Variants in RTF2 observed in about 807,000 individuals in gnomAD.
The protein encoded by RTF2 is replication termination factor 2, also known as UPF0549 protein C20orf43.
A neutral mutation model predicts 38.0 loss-of-function variants in RTF2; 18 were observed. The ratio of observed to expected loss-of-function variants is 0.47; its 90% CI spans 0.33 to 0.70. RTF2 has a LOEUF of 0.70. Ranked by LOEUF, RTF2 falls within the 30% of genes least tolerant of loss-of-function variation. RTF2 has a pLI of 0.02. For missense variants in RTF2, 311 were observed against 379.6 expected (o/e 0.82, Z 1.50); for synonymous variants, 126 against 137.1 (o/e 0.92, Z 0.57).
rs1982553139 is a variant in RTF2 at position 56,482,054 on chromosome 20, T to C, written c.399-2057T>C. On this transcript the variant is annotated intron_variant, in intron 4 of 8. Coordinates refer to ENST00000357348, the MANE Select transcript of RTF2 (RefSeq NM_016407.5). ...TGTTGTTTCTCCTTTGGTTTGCTGG[T>C]CAGTCTCTTCTCCTTTTTCTCTTAC... 2.6e-5 allele frequency among the ~76,000 whole-genome samples: 4 copies of C among 152,242 alleles called. No homozygotes were observed. The South Asian group carries it at 8.3e-4, about 32-fold the overall frequency.
chr20:56,514,911 G>T (rs1353879740), intron 6 of RTF2, among the ~76,000 whole-genome samples: 1 of 152,098 alleles, frequency 6.6e-6, no homozygotes, highest in Non-Finnish European at 1.5e-5. Flanking sequence ...GGCGGGCGTG[G>T]TGGCGTGTGC....
At chr20:56,509,995 A>G (rs1345491491) in intron 5 of RTF2, among the ~76,000 whole-genome samples, 1 of 152,184 alleles carries the variant, frequency 6.6e-6, no homozygotes, top group Non-Finnish European at 1.5e-5. Flanking sequence ...TCACAAAAAA[A>G]AAAAACATGT....
chr20:56,514,979 G>A (rs867663408), intron 6 of RTF2, among the ~76,000 whole-genome samples: 3 of 151,684 alleles, frequency 2.0e-5, no homozygotes, highest in African/African-American at 7.3e-5. Flanking sequence ...CCCGGAAGGC[G>A]GAGGTTGCAG....
intron 8 of RTF2, 97 bp from the exon 9 acceptor site, chr20:56,517,990 C>T: frequency 1.6e-6 from 2 of 1,254,006 alleles, no homozygotes; most frequent in Non-Finnish European, 2.2e-6. Context: ...AAGAGAACGT[C>T]TGGGACAGAG....
intron 3 of RTF2, 113 bp from the exon 4 acceptor site, chr20:56,476,872 G>T: frequency 1.0e-6 from 1 of 952,782 alleles, no homozygotes; most frequent in South Asian, 1.5e-5. Flanking sequence ...GTAACTGTGA[G>T]GGAGAGGTTT....
chr20:56,516,679 A>G lies in RTF2; in HGVS notation c.592-256A>G. ...TAAATTTTTGCAAATGTGATTTGGG[A>G]GATGTAAATATAAAAGTGAGCAGCT... On this transcript the variant is annotated intron_variant, in intron 6 of 8. Coordinates refer to ENST00000357348, the MANE Select transcript of RTF2 (RefSeq NM_016407.5). The G allele has an allele frequency of 7.6e-6, 4 of 526,914 alleles. No homozygotes were observed. In the South Asian group the frequency reaches 1.1e-4, roughly 15 times the overall value. 32.6% of individuals were successfully genotyped at this position (526,914 alleles called of 1,614,324 possible).
intron 5 of RTF2, chr20:56,495,370 C>T: frequency 1.7e-6 from 2 of 1,170,244 alleles, no homozygotes; most frequent in Non-Finnish European, 2.5e-6. Context: ...TTCTTCTGTG[C>T]TATCATTTCC....
At chr20:56,491,609 G>A (rs1470595816) in intron 5 of RTF2, 1 of 1,551,842 alleles carries the variant, frequency 6.4e-7, no homozygotes, top group Non-Finnish European at 8.7e-7. Flanking sequence ...ATGCCAGTGT[G>A]GCTCTATAGG....
At chr20:56,511,152 T>A (rs1444897784) in intron 5 of RTF2, among the ~76,000 whole-genome samples, 1 of 152,204 alleles carries the variant, frequency 6.6e-6, no homozygotes, top group African/African-American at 2.4e-5. Context: ...ATAAAAATTA[T>A]TTAAAATAAG....
intron 4 of RTF2, 42 bp from the exon 5 acceptor site, chr20:56,484,069 T>C: frequency 6.6e-7 from 1 of 1,518,984 alleles, no homozygotes; most frequent in Non-Finnish European, 9.1e-7. Flanking sequence ...GAATTGATCA[T>C]GTGATTAATA....
Position 56,496,626 on chromosome 20 carries a change from G to A in RTF2, c.477+12437G>A, listed in dbSNP as rs140002547. The A allele has an allele frequency of 7.3e-4, 1,083 of 1,475,656 alleles. 8 individuals carry two copies. The African/African-American group carries it at 0.014, about 19-fold the overall frequency. 91.4% of individuals were successfully genotyped at this position (1,475,656 alleles called of 1,614,324 possible). Reference sequence around the variant, plus strand: ...TGACTGCACAGGCATCCATATCGGTGGGTCTTTCTTACCTTTTAGTCGGTT... The same window carrying A: ...TGACTGCACAGGCATCCATATCGGTAGGTCTTTCTTACCTTTTAGTCGGTT... On this transcript the variant is annotated intron_variant, in intron 5 of 8. Coordinates refer to ENST00000357348, the MANE Select transcript of RTF2 (RefSeq NM_016407.5).
intron 5 of RTF2, among the ~76,000 whole-genome samples, chr20:56,510,731 G>C (rs914519335): frequency 1.3e-5 from 2 of 152,146 alleles, no homozygotes. Flanking sequence ...CCTGAGCCCA[G>C]AAGTTCAAGA....
At chr20:56,504,448 C>A (rs1197622091) in intron 5 of RTF2, among the ~76,000 whole-genome samples, 1 of 152,136 alleles carries the variant, frequency 6.6e-6, no homozygotes, top group Non-Finnish European at 1.5e-5. Flanking sequence ...AGTTATCAGA[C>A]CCTCTCTCAT....
intron 5 of RTF2, among the ~76,000 whole-genome samples, chr20:56,484,795 A>G (rs148041126): frequency 0.013 from 1,969 of 152,264 alleles, 55 homozygotes; most frequent in African/African-American, 0.045. Flanking sequence ...GCTGCTGCTG[A>G]AGCCAGAATG....
At chr20:56,489,687 C>G (rs1982994387) in intron 5 of RTF2, among the ~76,000 whole-genome samples, 1 of 152,208 alleles carries the variant, frequency 6.6e-6, no homozygotes, top group Non-Finnish European at 1.5e-5. Context: ...TTTTACAGGG[C>G]CCCCTTCACG....
At chr20:56,497,465 G>A (rs931109556) in intron 5 of RTF2, 6 of 1,519,158 alleles carry the variant, frequency 3.9e-6, no homozygotes, top group Non-Finnish European at 4.4e-6. Flanking sequence ...GTTCATCTGG[G>A]TAAAAGCCAC....
At chr20:56,480,586 G>A (rs540592982) in intron 4 of RTF2, among the ~76,000 whole-genome samples, 52 of 152,256 alleles carry the variant, frequency 3.4e-4, no homozygotes, top group African/African-American at 1.1e-3. Flanking sequence ...CTGGATTTTG[G>A]CCTGTTTTGG....
chr20:56,513,526 G>T lies in RTF2; in HGVS notation c.591+98G>T. On this transcript the variant is annotated intron_variant, in intron 6 of 8. Transcript: ENST00000357348. ...CTGGCAGCTGCTTAGGGGTTTGCAT[G>T]ATCAAGGCGATTTTTATAACCTAGA... is the stretch of plus-strand genomic sequence containing the variant. 3 of 1,454,556 alleles carry T rather than the reference G, an allele frequency of 2.1e-6. No homozygotes were observed. In the East Asian group the frequency reaches 7.6e-5, roughly 37 times the overall value. 90.1% of individuals were successfully genotyped at this position (1,454,556 alleles called of 1,614,324 possible).
At chr20:56,485,099 TAGA>T in intron 5 of RTF2, among the ~76,000 whole-genome samples, 1 of 151,914 alleles carries the variant, frequency 6.6e-6, no homozygotes, top group East Asian at 1.9e-4. Context: ...GACCCTCAAG[TAGA>T]TGAGCAAGGC....
Sources: gnomAD v4.1 joint callset for allele counts (sites outside exome capture counted in the v4.1 genomes callset) on GRCh38, gnomAD v4.1.1 for gene constraint, MANE v1.5 for transcripts, NCBI Gene and HGNC (gene_info 2026-07-23, HGNC 2026-07-21) for gene names.